The following DOCK9 variants were observed in gnomAD, a reference collection of about 807,000 sequenced individuals.
DOCK9 encodes the protein dedicator of cytokinesis 9.
DOCK9 carries 89 observed loss-of-function variants against 263.3 expected under a neutral mutation model. The ratio of observed to expected loss-of-function variants is 0.34; its 90% CI spans 0.28 to 0.40. DOCK9 has a LOEUF of 0.40. Ranked by LOEUF, DOCK9 falls within the 10% of genes least tolerant of loss-of-function variation. The pLI is 1.00. For synonymous variants in DOCK9, 976 were observed against 973.1 expected (o/e 1.00, Z -0.06); for missense variants, 2,140 against 2,603.4 (o/e 0.82, Z 3.87).
intron 1 of DOCK9, among the ~76,000 whole-genome samples, chr13:99,045,863 C>T (rs549913003): frequency 6.5e-4 from 98 of 151,448 alleles, no homozygotes; most frequent in South Asian, 2.1e-4. Context: ...GAGGCTGAGG[C>T]GGGCGGATCA....
Position 99,038,288 on chromosome 13 carries a change from C to CCT in DOCK9, c.129+47934_129+47935insAG, listed in dbSNP as rs1888110933. 5.2e-4 allele frequency among the ~76,000 whole-genome samples: 45 copies of CCT among 86,272 alleles called. 1 individual carries two copies. The highest frequency in any genetic ancestry group is 4.4e-4 in the Non-Finnish European group (20 of 45,976). The allele number at this position is 86,272 out of a possible 152,430, so 56.6% of individuals were successfully genotyped here. ...GCTGAAAAACTGGCTTTATGCCCCC[C>CCT]TTTTTTTTTTTTTTTTTTTTTTTTT... On this transcript the variant is annotated intron_variant, in intron 1 of 32. Coordinates refer to the DOCK9 transcript ENST00000427887.
chr13:98,813,710 G>A (rs1414093008), intron 45 of DOCK9, among the ~76,000 whole-genome samples: 1 of 152,018 alleles, frequency 6.6e-6, no homozygotes, highest in Non-Finnish European at 1.5e-5. Context: ...CGTGATCTCG[G>A]CTCACCACAA....
chr13:98,832,396 C>T (rs12584882), intron 39 of DOCK9, among the ~76,000 whole-genome samples: 1,915 of 151,992 alleles, frequency 0.013, 67 homozygotes, highest in Admixed American at 0.076. Context: ...CCTTGAACAG[C>T]GACTGTGAAG....
In DOCK9 at chr13:98,921,044, T is replaced by A. The variant is rs181674107; in HGVS notation, c.627A>T (p.Gly209=). The part of the protein sequence containing the change: ...RFFHLIQLGD[G]SYNLNFYKDE... ...CTTTATAAAAATTCAAATTATAGGATCCATCGCCAAGTTGAATCAGGTGGA... is the reference window on the plus strand; with the variant it reads ...CTTTATAAAAATTCAAATTATAGGAACCATCGCCAAGTTGAATCAGGTGGA... The change falls in exon 7 of 53, where the codon GGA becomes GGT. Residue 209 remains glycine (G), a synonymous_variant. Coordinates refer to ENST00000682017, the MANE Select transcript of DOCK9 (RefSeq NM_001366683.2). 1.2e-6 allele frequency: 2 copies of A among 1,602,044 alleles called. No homozygotes were observed. The highest frequency in any genetic ancestry group is 4.5e-5 in the East Asian group (2 of 44,632).
intron 1 of DOCK9, among the ~76,000 whole-genome samples, chr13:98,991,541 TAA>T (rs1181244142): frequency 2.6e-5 from 4 of 152,090 alleles, no homozygotes; most frequent in South Asian, 2.1e-4. Flanking sequence ...TAAAATATCT[TAA>T]GAGTTTTTTT....
Position 99,030,140 on chromosome 13 carries a change from C to T in DOCK9, c.129+56083G>A, listed in dbSNP as rs572435852. ...AGAGAAACTGCTAATGGGCATGAGACTTCTTTCAAGAGTAATTGAAATGTT... is the reference window on the plus strand; with the variant it reads ...AGAGAAACTGCTAATGGGCATGAGATTTCTTTCAAGAGTAATTGAAATGTT... On this transcript the variant is annotated intron_variant, in intron 1 of 32. Transcript: ENST00000427887. Among the ~76,000 whole-genome samples, 4 of 152,188 alleles carry T rather than the reference C, an allele frequency of 2.6e-5. No homozygotes were observed. In the South Asian group the frequency reaches 8.3e-4, roughly 32 times the overall value.
chr13:98,816,640 C>T (rs1311150704), intron 45 of DOCK9, among the ~76,000 whole-genome samples: 2 of 150,450 alleles, frequency 1.3e-5, no homozygotes, highest in African/African-American at 2.4e-5. Context: ...AGCATCTGTC[C>T]GGCCACAAGG....
chr13:99,013,158 C>T (rs973243461), intron 1 of DOCK9, among the ~76,000 whole-genome samples: 2 of 152,054 alleles, frequency 1.3e-5, no homozygotes, highest in Admixed American at 6.5e-5. Flanking sequence ...GGCTGGAGTG[C>T]AGTGGTGCAC....
chr13:99,036,131 T>C (rs1887847690), intron 1 of DOCK9, among the ~76,000 whole-genome samples: 1 of 152,208 alleles, frequency 6.6e-6, no homozygotes, highest in Non-Finnish European at 1.5e-5. Context: ...TATGGATACA[T>C]GGATGTATAA....
intron 1 of DOCK9, among the ~76,000 whole-genome samples, chr13:99,083,762 C>T (rs1466127086): frequency 1.3e-5 from 2 of 152,090 alleles, no homozygotes; most frequent in Non-Finnish European, 2.9e-5. Flanking sequence ...CATTTTAAAG[C>T]TTGTTTTTAA....
At chr13:99,070,808 G>C (rs2041635955) in intron 1 of DOCK9, among the ~76,000 whole-genome samples, 1 of 152,150 alleles carries the variant, frequency 6.6e-6, no homozygotes, top group Non-Finnish European at 1.5e-5. Context: ...CAGAAACTTG[G>C]TTATACAACT....
intron 1 of DOCK9, among the ~76,000 whole-genome samples, chr13:98,992,885 C>G (rs1567180894): frequency 6.6e-6 from 1 of 152,140 alleles, no homozygotes; most frequent in Non-Finnish European, 1.5e-5. Flanking sequence ...AAAGAATAAG[C>G]AAGACGTTCT....
At chr13:99,018,672 T>C (rs1885718430) in intron 1 of DOCK9, among the ~76,000 whole-genome samples, 1 of 152,116 alleles carries the variant, frequency 6.6e-6, no homozygotes. Context: ...ATTCAAAAGG[T>C]ATGTTTGGTT....
rs916280793 is a variant in DOCK9 at position 98,825,192 on chromosome 13, C to G, written c.5024-688G>C. On this transcript the variant is annotated intron_variant, in intron 44 of 52. Transcript: ENST00000682017. This position sits in a 1 kb window ranked among gnomAD's most constrained non-coding sequence, Gnocchi z 4.1. ...TAAGGATGTGTTTCTTAAGCAATGA[C>G]AGCCCATTTGGGACCTTTCCTCGTC... is the stretch of plus-strand genomic sequence containing the variant. Among the ~76,000 whole-genome samples, 1 of 152,206 alleles carries G rather than the reference C, an allele frequency of 6.6e-6. No individual in the cohort carries two copies. The highest frequency in any genetic ancestry group is 2.4e-5 in the African/African-American group (1 of 41,454).
intron 1 of DOCK9, among the ~76,000 whole-genome samples, chr13:99,060,650 A>AATT (rs2041147679): frequency 3.3e-5 from 5 of 152,288 alleles, no homozygotes; most frequent in African/African-American, 1.2e-4. Context: ...GGTATCTTAT[A>AATT]ATATCTGTCT....
intron 20 of DOCK9, chr13:98,885,382 C>A (rs541491686): frequency 1.9e-6 from 1 of 526,800 alleles, no homozygotes; most frequent in South Asian, 1.9e-5. Context: ...GGTGGGCAGA[C>A]TGCTTGAGCT....
chr13:98,971,314 T>C (rs1377606763), intron 1 of DOCK9, among the ~76,000 whole-genome samples: 3 of 152,312 alleles, frequency 2.0e-5, no homozygotes, highest in South Asian at 2.1e-4. Flanking sequence ...CCTGCACAAA[T>C]GGCAGCCTCT....
intron 1 of DOCK9, among the ~76,000 whole-genome samples, chr13:99,044,639 T>A (rs957740924): frequency 3.9e-5 from 6 of 152,286 alleles, no homozygotes; most frequent in Admixed American, 3.9e-4. Flanking sequence ...CCACCAAAAA[T>A]AAATGAATTT....
chr13:98,849,339 T>C (rs1029753694), intron 36 of DOCK9, among the ~76,000 whole-genome samples: 1 of 152,134 alleles, frequency 6.6e-6, no homozygotes, highest in Non-Finnish European at 1.5e-5. Flanking sequence ...GCAAATACAT[T>C]TGGCACCAAA....
Sources: allele counts gnomAD v4.1 joint callset (sites outside exome capture counted in the v4.1 genomes callset), GRCh38; gene constraint gnomAD v4.1.1; non-coding constraint Gnocchi (gnomAD v3.1); transcripts MANE v1.5; gene names NCBI Gene and HGNC (gene_info 2026-07-23, HGNC 2026-07-21).